The following ADAM32 variants were observed in gnomAD, a reference collection of about 807,000 sequenced individuals.
The protein encoded by ADAM32 is disintegrin and metalloproteinase domain-containing protein 32.
A neutral mutation model predicts 114.9 loss-of-function variants in ADAM32; 89 were observed. That is an observed-to-expected ratio of 0.77 (90% CI 0.65 to 0.92). The LOEUF (loss-of-function observed/expected upper bound fraction) is 0.92. ADAM32 is among the 40% of genes least tolerant of loss of function. ADAM32 has a pLI of 0.00. For synonymous variants in ADAM32, 285 were observed against 307.5 expected (o/e 0.93, Z 0.77); for missense variants, 870 against 932.8 (o/e 0.93, Z 0.88).
intron 19 of ADAM32, among the ~76,000 whole-genome samples, chr8:39,268,076 C>CT (rs970317803): frequency 1.8e-4 from 27 of 152,188 alleles, no homozygotes; most frequent in Non-Finnish European, 2.9e-5. Context: ...GTACAAGTCT[C>CT]TATGTGAATA....
At chr8:39,196,919 T>G (rs571958129) in intron 11 of ADAM32, among the ~76,000 whole-genome samples, 1 of 152,244 alleles carries the variant, frequency 6.6e-6, no homozygotes, top group South Asian at 2.1e-4. Context: ...AAAACTGGTG[T>G]TAGTTCTTCC....
chr8:39,211,924 G>T (rs1338074358), intron 12 of ADAM32, among the ~76,000 whole-genome samples: 1 of 152,136 alleles, frequency 6.6e-6, no homozygotes, highest in Non-Finnish European at 1.5e-5. Context: ...TGAATTACTT[G>T]AACCATATCA....
Position 39,274,368 on chromosome 8 carries a change from G to A in ADAM32, c.2240+18G>A. 1 of 1,606,648 alleles carries A rather than the reference G, an allele frequency of 6.2e-7. No individual in the cohort carries two copies. Among genetic ancestry groups the A allele is most frequent in the Non-Finnish European group, 8.5e-7 (1 of 1,175,972 alleles). On this transcript the variant is annotated intron_variant, in intron 21 of 24. Coordinates refer to ENST00000379907, the MANE Select transcript of ADAM32 (RefSeq NM_145004.7). ...GCCAGCCAGTAAGTAGGTTAGAAGA[G>A]GTTTTTAAGATACATGTTGAAAATT...
At chr8:39,153,071 T>C (rs1394409120) in intron 6 of ADAM32, among the ~76,000 whole-genome samples, 1 of 152,196 alleles carries the variant, frequency 6.6e-6, no homozygotes, top group African/African-American at 2.4e-5. Context: ...GGAACTACCA[T>C]ACCTCTTCAC....
intron 2 of ADAM32, among the ~76,000 whole-genome samples, chr8:39,132,349 T>G (rs1451355994): frequency 6.6e-6 from 1 of 152,240 alleles, no homozygotes; most frequent in Admixed American, 6.5e-5. Context: ...TTTGTGGTGA[T>G]CCAGGTATTA....
At chr8:39,220,090 G>A (rs1456671437) in intron 12 of ADAM32, among the ~76,000 whole-genome samples, 1 of 152,056 alleles carries the variant, frequency 6.6e-6, no homozygotes, top group Non-Finnish European at 1.5e-5. Context: ...TGTTTTTGTA[G>A]GTTTAGAAGT....
At chr8:39,233,831 A>G in intron 15 of ADAM32, 68 bp from the exon 16 acceptor site, 2 of 1,087,586 alleles carry the variant, frequency 1.8e-6, no homozygotes, top group Non-Finnish European at 2.4e-6. Flanking sequence ...CATCACAGAA[A>G]GCAAATCCAA....
chr8:39,179,978 C>A (rs1805750498), intron 10 of ADAM32, among the ~76,000 whole-genome samples: 1 of 152,260 alleles, frequency 6.6e-6, no homozygotes, highest in African/African-American at 2.4e-5. Flanking sequence ...CTCGCTTGCT[C>A]TCGGTGCCTC....
chr8:39,119,612 C>T (rs1025577364), intron 2 of ADAM32, among the ~76,000 whole-genome samples: 1 of 151,728 alleles, frequency 6.6e-6, no homozygotes, highest in Non-Finnish European at 1.5e-5. Flanking sequence ...GACACAACTT[C>T]TCTATTTGGA....
rs1812671332 is a variant in ADAM32 at position 39,270,879 on chromosome 8, T to C, written c.2166T>C (p.Ser722=). Residue 722 remains serine (S), a synonymous_variant, in exon 20 of 25, where the codon TCT becomes TCC. Coordinates refer to ENST00000379907, the MANE Select transcript of ADAM32 (RefSeq NM_145004.7). The part of the protein sequence containing the change: ...AKEEEFPSSE[S]KSEGSTQTYA... ...GACATTTTCAATTTCTTTTTAGATC[T>C]AAATCGGAAGGTAGCACACAGACAT... The C allele has an allele frequency of 6.2e-7, 1 of 1,609,802 alleles. No individual in the cohort carries two copies. Among genetic ancestry groups the C allele is most frequent in the Non-Finnish European group, 8.5e-7 (1 of 1,177,726 alleles).
intron 19 of ADAM32, among the ~76,000 whole-genome samples, chr8:39,265,062 T>TA (rs1424599670): frequency 6.6e-6 from 1 of 152,218 alleles, no homozygotes. Context: ...ATGATCTGCA[T>TA]AACACTTTCA....
At chr8:39,198,797 C>T (rs1300045633) in intron 11 of ADAM32, among the ~76,000 whole-genome samples, 1 of 151,762 alleles carries the variant, frequency 6.6e-6, no homozygotes, top group Non-Finnish European at 1.5e-5. Context: ...TCATCTATTC[C>T]ACCAGTGAGT....
intron 23 of ADAM32, among the ~76,000 whole-genome samples, chr8:39,281,771 T>C (rs923196675): frequency 6.6e-6 from 1 of 152,250 alleles, no homozygotes; most frequent in East Asian, 1.9e-4. Context: ...TATTTACTGC[T>C]ATGTTCGTCA....
intron 18 of ADAM32, among the ~76,000 whole-genome samples, chr8:39,256,798 G>C (rs542808978): frequency 1.3e-5 from 2 of 152,038 alleles, no homozygotes; most frequent in South Asian, 4.1e-4. Context: ...ATCTACCAAA[G>C]AAAAATAAGA....
intron 7 of ADAM32, among the ~76,000 whole-genome samples, chr8:39,162,726 G>T (rs566590420): frequency 6.6e-6 from 1 of 152,036 alleles, no homozygotes; most frequent in Admixed American, 6.6e-5. Context: ...ACCCTTGGTC[G>T]GGTGTGGTGC....
At chr8:39,199,630 T>G (rs1202398574) in intron 11 of ADAM32, among the ~76,000 whole-genome samples, 1 of 152,194 alleles carries the variant, frequency 6.6e-6, no homozygotes, top group Admixed American at 6.5e-5. Flanking sequence ...TTTTAACTTT[T>G]TAAAATTATA....
intron 4 of ADAM32, among the ~76,000 whole-genome samples, chr8:39,148,990 A>C (rs1212543114): frequency 6.6e-6 from 1 of 151,890 alleles, no homozygotes; most frequent in African/African-American, 2.4e-5. Context: ...TATGGTTTCT[A>C]TTTTGTAGAT....
intron 5 of ADAM32, among the ~76,000 whole-genome samples, chr8:39,151,043 A>G (rs1564490083): frequency 1.4e-5 from 2 of 146,414 alleles, no homozygotes; most frequent in Non-Finnish European, 3.0e-5. Context: ...CAAACCAGAG[A>G]GAAAGTCATC....
chr8:39,246,293 G>A (rs2129450088), intron 17 of ADAM32, 127 bp downstream of exon 17: 1 of 719,254 alleles, frequency 1.4e-6, no homozygotes, highest in South Asian at 1.8e-5. Context: ...TCAATTGAGA[G>A]CTGAATTAAG....
Sources: allele counts gnomAD v4.1 joint callset (sites outside exome capture counted in the v4.1 genomes callset), GRCh38; gene constraint gnomAD v4.1.1; transcripts MANE v1.5; gene names NCBI Gene and HGNC (gene_info 2026-07-23, HGNC 2026-07-21).